The following MMP17 variants were observed in gnomAD, a reference collection of about 807,000 sequenced individuals.
MMP17 encodes the protein matrix metalloproteinase-17.
A neutral mutation model predicts 49.1 loss-of-function variants in MMP17; 54 were observed. The ratio of observed to expected loss-of-function variants is 1.10; its 90% CI spans 0.88 to 1.38. The LOEUF (loss-of-function observed/expected upper bound fraction) is 1.38, where lower values mean the gene tolerates loss of function less well. Among genes scored for constraint, MMP17 ranks in the 40% most tolerant of loss-of-function variants. MMP17 has a pLI of 0.00. For synonymous variants in MMP17, 397 were observed against 383.1 expected (o/e 1.04, Z -0.42); for missense variants, 837 against 853.7 (o/e 0.98, Z 0.24).
At chr12:131,836,591 A>G (rs1222139404) in intron 1 of MMP17, among the ~76,000 whole-genome samples, 2 of 151,618 alleles carry the variant, frequency 1.3e-5, no homozygotes, top group Admixed American at 1.3e-4. Flanking sequence ...ATGGTCAAAA[A>G]TGGGCACTTT....
Position 131,851,404 on chromosome 12 carries a change from C to A in MMP17, c.*130C>A. On this transcript the variant is annotated 3_prime_UTR_variant, in exon 10 of 10. Transcript: ENST00000360564. ...GACGGGCCACCCTGGCACCGGAAGG[C>A]CAGCAGAGGGCACTGTCCGCCAGGG... is the stretch of plus-strand genomic sequence containing the variant. The A allele has an allele frequency of 1.2e-6, 1 of 859,144 alleles. No individual in the cohort carries two copies. Among genetic ancestry groups the A allele is most frequent in the Non-Finnish European group, 1.6e-6 (1 of 632,994 alleles). 53.2% of individuals were successfully genotyped at this position (859,144 alleles called of 1,614,324 possible).
chr12:131,835,976 G>A (rs1484759494), intron 1 of MMP17, among the ~76,000 whole-genome samples: 1 of 152,224 alleles, frequency 6.6e-6, no homozygotes. Context: ...CCCACACCCT[G>A]GAGGTCAGGG....
intron 1 of MMP17, among the ~76,000 whole-genome samples, chr12:131,831,367 G>T (rs570037009): frequency 6.6e-6 from 1 of 152,144 alleles, no homozygotes; most frequent in Non-Finnish European, 1.5e-5. Flanking sequence ...CGGGGCAGGT[G>T]GGGGGTACTG....
At chr12:131,831,123 C>T (rs925637440) in intron 1 of MMP17, among the ~76,000 whole-genome samples, 5 of 152,230 alleles carry the variant, frequency 3.3e-5, no homozygotes, top group African/African-American at 4.8e-5. Flanking sequence ...GTCTATTCAC[C>T]TGGTTAAGCC....
chr12:131,847,412 C>CA (rs543194949), intron 8 of MMP17, among the ~76,000 whole-genome samples: 5,971 of 66,620 alleles, frequency 0.09, 353 homozygotes, highest in African/African-American at 0.22. Flanking sequence ...GACTCCGTCT[C>CA]AAAAAAAAAA....
intron 3 of MMP17, 61 bp downstream of exon 3, chr12:131,838,802 GA>G (rs1295715632): frequency 4.6e-5 from 70 of 1,509,988 alleles, no homozygotes; most frequent in Non-Finnish European, 4.7e-5. Flanking sequence ...TGGCCAGGGT[GA>G]GGAACGGGGT....
intron 1 of MMP17, among the ~76,000 whole-genome samples, chr12:131,836,366 T>G (rs2099173967): frequency 6.6e-6 from 1 of 151,908 alleles, no homozygotes; most frequent in Non-Finnish European, 1.5e-5. Context: ...TGCCTGCTGG[T>G]GGGCAGGAGG....
At position 131,844,007 on chromosome 12, in the gene MMP17, G is replaced by A; in HGVS notation, c.894G>A (p.Glu298=). The change falls in exon 6 of 10, where the codon GAG becomes GAA. Residue 298 remains glutamate, a synonymous_variant. Transcript: ENST00000360564. ...VRVWQLYGVR[E]SVSPTAQPEE... Reference sequence around the variant, plus strand: ...CCTTGTCTCCCGCAGGTGTGCGGGAGTCTGTGTCTCCCACGGCGCAGCCCG... The same window carrying A: ...CCTTGTCTCCCGCAGGTGTGCGGGAATCTGTGTCTCCCACGGCGCAGCCCG... 1 of 1,562,136 alleles carries A rather than the reference G, an allele frequency of 6.4e-7. No homozygotes were observed. Among genetic ancestry groups the A allele is most frequent in the Non-Finnish European group, 8.7e-7 (1 of 1,155,142 alleles).
intron 8 of MMP17, among the ~76,000 whole-genome samples, chr12:131,848,797 G>A (rs1414288605): frequency 3.3e-5 from 5 of 152,174 alleles, no homozygotes; most frequent in African/African-American, 9.7e-5. Flanking sequence ...TGGCACGGAC[G>A]GACTGCACCT....
rs970494339 is a variant in MMP17, at chr12:131,851,238, C to T, written c.1776C>T (p.Gly592=). 85 of 1,449,714 alleles carry T rather than the reference C, an allele frequency of 5.9e-5. No homozygotes were observed. The highest frequency in any genetic ancestry group is 8.7e-5 in the African/African-American group (6 of 69,288). The allele number at this position is 1,449,714 out of a possible 1,614,324, so 89.8% of individuals were successfully genotyped here. A position where few individuals can be genotyped will look rare whatever the true frequency, so the allele number is the denominator to read the frequency against. ...TGCTGCTGCCGCCACTGTCACCAGGCGCCCTGTGGACAGCGGCCCAGGCCC... is the reference window on the plus strand; with the variant it reads ...TGCTGCTGCCGCCACTGTCACCAGGTGCCCTGTGGACAGCGGCCCAGGCCC... ...MLLLLPPLSP[G]ALWTAAQALT... Residue 592 remains glycine (G), a synonymous_variant, in exon 10 of 10, where the codon GGC becomes GGT. Coordinates refer to ENST00000360564, the MANE Select transcript of MMP17 (RefSeq NM_016155.7).
At chr12:131,844,634 G>A (rs912152773) in intron 6 of MMP17, 9 of 223,244 alleles carry the variant, frequency 4.0e-5, no homozygotes, top group East Asian at 1.2e-4. Context: ...TCACAGGACC[G>A]TACGTGTAAC....
chr12:131,847,781 C>T (rs1031496535), intron 8 of MMP17, among the ~76,000 whole-genome samples: 6 of 152,254 alleles, frequency 3.9e-5, no homozygotes, highest in African/African-American at 1.4e-4. Context: ...GTTTCGCTAC[C>T]ATAAAGCCCC....
rs1449484405 is a variant in MMP17, at chr12:131,851,607, C to T, written c.*333C>T. 1.4e-5 allele frequency: 4 copies of T among 286,950 alleles called. No individual in the cohort carries two copies. Among genetic ancestry groups the T allele is most frequent in the Non-Finnish European group, 2.6e-5 (4 of 153,978 alleles). The allele number at this position is 286,950 out of a possible 1,614,324, so 17.8% of individuals were successfully genotyped here. A position where few individuals can be genotyped will look rare whatever the true frequency, so the allele number is the denominator to read the frequency against. The stretch of plus-strand genomic sequence containing the variant: ...GGCCCACCCCTCTCTGTGCCGGCGC[C>T]ACCAACCCCACCCACACTGCTGCCT... On this transcript the variant is annotated 3_prime_UTR_variant, in exon 10 of 10. Coordinates refer to ENST00000360564, the MANE Select transcript of MMP17 (RefSeq NM_016155.7).
At chr12:131,845,008 A>C (rs61942397) in intron 6 of MMP17, 110 bp from the exon 7 acceptor site, 238,917 of 1,116,768 alleles carry the variant, frequency 0.21, 28,765 homozygotes, top group East Asian at 0.47. Flanking sequence ...TAGGGGCTCC[A>C]CACAAGGATG....
intron 1 of MMP17, among the ~76,000 whole-genome samples, chr12:131,833,191 G>A (rs112133672): frequency 0.028 from 4,267 of 152,334 alleles, 96 homozygotes; most frequent in African/African-American, 0.063. Context: ...GCACCCTCCA[G>A]CAGGGACCAC....
chr12:131,851,099 C>A lies in MMP17; in HGVS notation c.1637C>A (p.Pro546Gln). The A allele has an allele frequency of 6.2e-7, 1 of 1,600,732 alleles. No homozygotes were observed. The change falls in exon 10 of 10, where the codon CCA becomes CAA. Residue 546 changes from proline to glutamine, a missense_variant. Pro to Gln is a moderately conservative substitution (Grantham distance 76). Coordinates refer to ENST00000360564, the MANE Select transcript of MMP17 (RefSeq NM_016155.7). ...GCGGCAGAGGGGCCCCGCGCCCCTC[C>A]AGGACAACATGACCAGAGCCGCTCG... ...VDAAEGPRAP[P>Q]GQHDQSRSED...
At chr12:131,836,133 T>A (rs1268961936) in intron 1 of MMP17, among the ~76,000 whole-genome samples, 2 of 152,124 alleles carry the variant, frequency 1.3e-5, no homozygotes, top group Non-Finnish European at 2.9e-5. Context: ...TACACACTCT[T>A]GGCTTCCCCA....
intron 9 of MMP17, 64 bp from the exon 10 acceptor site, chr12:131,850,861 T>A: frequency 7.8e-7 from 1 of 1,285,442 alleles, no homozygotes. Context: ...CCCTCCTCGC[T>A]GTCCGGCTCG....
At position 131,828,440 on chromosome 12, in the gene MMP17, C is replaced by A. The variant is rs992859042; in HGVS notation, c.-55C>A. On this transcript the variant is annotated 5_prime_UTR_variant, in exon 1 of 10. Transcript: ENST00000360564. ...GAGCGGAGGGCGCCGGGCTGCGGAA[C>A]GCGAAGCGGAGGGCGCGGGACCCTG... 1 of 962,756 alleles carries A rather than the reference C, an allele frequency of 1.0e-6. No individual in the cohort carries two copies. Among genetic ancestry groups the A allele is most frequent in the African/African-American group, 1.8e-5 (1 of 56,624 alleles). The allele number at this position is 962,756 out of a possible 1,614,324, so 59.6% of individuals were successfully genotyped here.
Sources: gnomAD v4.1 joint callset for allele counts (sites outside exome capture counted in the v4.1 genomes callset) on GRCh38, gnomAD v4.1.1 for gene constraint, MANE v1.5 for transcripts, NCBI Gene and HGNC (gene_info 2026-07-23, HGNC 2026-07-21) for gene names.